The following SMAD2 variants were observed in gnomAD, a reference collection of about 807,000 sequenced individuals.
SMAD2 encodes SMAD family member 2.
In SMAD2, 8 loss-of-function variants were observed where a neutral mutation model predicts 64.4. That is an observed-to-expected ratio of 0.12 (90% CI 0.07 to 0.22). The LOEUF (loss-of-function observed/expected upper bound fraction) is 0.22, where lower values mean the gene tolerates loss of function less well. Ranked by LOEUF, SMAD2 falls within the 10% of genes least tolerant of loss-of-function variation. The probability of loss-of-function intolerance (pLI) is 1.00; values close to 1 mark genes in which losing one functional copy is unlikely to be tolerated. For missense variants in SMAD2, 289 were observed against 561.2 expected, an observed-to-expected ratio of 0.51 and a Z score of 4.90; for synonymous variants, 203 against 195.8, an observed-to-expected ratio of 1.04 and a Z score of -0.31.
At chr18:47,925,903 CAG>C (rs2034742827) in intron 1 of SMAD2, among the ~76,000 whole-genome samples, 1 of 152,204 alleles carries the variant, frequency 6.6e-6, no homozygotes, top group African/African-American at 2.4e-5. Flanking sequence ...AAACCCTCAA[CAG>C]AGAGACTGGC....
intron 2 of SMAD2, among the ~76,000 whole-genome samples, chr18:47,883,706 A>G: frequency 6.6e-6 from 1 of 152,162 alleles, no homozygotes; most frequent in East Asian, 1.9e-4. Context: ...ATCACTTTAC[A>G]ATCTTCTCTG....
Position 47,816,893 on chromosome 18 carries a change from G to A in SMAD2, c.*24934C>T, listed in dbSNP as rs1912391510. On this transcript the variant is annotated 3_prime_UTR_variant, in exon 11 of 11. Coordinates refer to ENST00000262160, the MANE Select transcript of SMAD2 (RefSeq NM_005901.6). ...ATCTTCTGCCTCAGCCTCCCAAGTAGCGGGATCATAGGCACCCACCAATAC... is the reference window on the plus strand; with the variant it reads ...ATCTTCTGCCTCAGCCTCCCAAGTAACGGGATCATAGGCACCCACCAATAC... 1 of 151,354 alleles carries A rather than the reference G, an allele frequency of 6.6e-6. No individual in the cohort carries two copies. Among genetic ancestry groups the A allele is most frequent in the Non-Finnish European group, 1.5e-5 (1 of 67,960 alleles). The allele number at this position is 151,354 out of a possible 1,614,324, so 9.4% of individuals were successfully genotyped here.
chr18:47,875,017 T>C (rs1351986061), intron 2 of SMAD2, among the ~76,000 whole-genome samples: 1 of 152,150 alleles, frequency 6.6e-6, no homozygotes. Flanking sequence ...TACTGCATCA[T>C]TTAAAGCGCA....
chr18:47,845,146 A>G (rs1914370758), intron 10 of SMAD2, 194 bp downstream of exon 10: 2 of 662,386 alleles, frequency 3.0e-6, no homozygotes, highest in Non-Finnish European at 2.7e-6. Flanking sequence ...TGCATGTTTT[A>G]ATATCTTCCA....
intron 2 of SMAD2, among the ~76,000 whole-genome samples, chr18:47,882,040 G>GTTTTTTTTTTTTTTTTT (rs1568078973): frequency 5.4e-5 from 2 of 37,324 alleles, no homozygotes; most frequent in African/African-American, 9.5e-5. Context: ...ACCACGCTTG[G>GTTTTTTTTTTTTTTTTT]CTTTTTTTTT....
At chr18:47,853,552 A>G (rs2030360255) in intron 6 of SMAD2, 1 of 180,738 alleles carries the variant, frequency 5.5e-6, no homozygotes, top group Non-Finnish European at 1.1e-5. Context: ...AGAGTAAGAT[A>G]GGTCAGACCA....
intron 2 of SMAD2, among the ~76,000 whole-genome samples, chr18:47,877,432 T>G (rs894963772): frequency 7.9e-5 from 12 of 152,128 alleles, no homozygotes; most frequent in African/African-American, 2.9e-4. Flanking sequence ...AAGTTTAGAT[T>G]TAAACAGCTC....
intron 2 of SMAD2, among the ~76,000 whole-genome samples, chr18:47,874,171 TA>T (rs1385791942): frequency 1.3e-5 from 2 of 152,174 alleles, no homozygotes; most frequent in Non-Finnish European, 2.9e-5. Flanking sequence ...TCAGCAAAAA[TA>T]TTTTTGTAGC....
rs1159078936 is a variant in SMAD2 at position 47,840,640 on chromosome 18, G to GC, written c.*1186dup. The GC allele has an allele frequency of 3.0e-4, 70 of 231,666 alleles. No homozygotes were observed. The highest frequency in any genetic ancestry group is 1.3e-3 in the African/African-American group (60 of 45,358). 14.4% of individuals were successfully genotyped at this position (231,666 alleles called of 1,614,324 possible). A position where few individuals can be genotyped will look rare whatever the true frequency, so the allele number is the denominator to read the frequency against. On this transcript the variant is annotated 3_prime_UTR_variant, in exon 11 of 11. Coordinates refer to ENST00000262160, the MANE Select transcript of SMAD2 (RefSeq NM_005901.6). ...GCCCATATCTGCTGATCCTACCTCA[G>GC]CATCACTTTTCTAGGTATTTTGCAG...
In SMAD2 at chr18:47,834,632, A is replaced by G; in HGVS notation, c.*7195T>C. The G allele has an allele frequency of 1.0e-5, 1 of 98,284 alleles. No homozygotes were observed. 6.1% of individuals were successfully genotyped at this position (98,284 alleles called of 1,614,324 possible). A position where few individuals can be genotyped will look rare whatever the true frequency, so the allele number is the denominator to read the frequency against. On this transcript the variant is annotated 3_prime_UTR_variant, in exon 11 of 11. Transcript: ENST00000262160. ...CTCTAAGCTTGCTAAAAGGCTAGGA[A>G]GTCCAGAAATACCTTAAACGTGTTA...
chr18:47,888,024 C>T (rs2032999838), intron 2 of SMAD2, among the ~76,000 whole-genome samples: 1 of 152,132 alleles, frequency 6.6e-6, no homozygotes, highest in African/African-American at 2.4e-5. Flanking sequence ...CACTATAGCA[C>T]CTCAATTTTG....
chr18:47,850,568 T>C (rs1426870090), intron 7 of SMAD2, among the ~76,000 whole-genome samples: 1 of 53,206 alleles, frequency 1.9e-5, no homozygotes, highest in East Asian at 7.7e-4. Flanking sequence ...ATGTATAATA[T>C]ATATTATATA....
chr18:47,905,949 T>C (rs934346678), intron 1 of SMAD2, among the ~76,000 whole-genome samples: 1 of 151,630 alleles, frequency 6.6e-6, no homozygotes, highest in Non-Finnish European at 1.5e-5. Flanking sequence ...CCATCTCTAC[T>C]AAAAAACAAA....
chr18:47,901,883 C>T (rs1043089684), intron 1 of SMAD2, among the ~76,000 whole-genome samples: 11 of 152,108 alleles, frequency 7.2e-5, no homozygotes, highest in Non-Finnish European at 1.6e-4. Context: ...CAGAATTTGG[C>T]AAATGTCTAC....
chr18:47,858,324 A>C (rs2030893807), intron 6 of SMAD2, among the ~76,000 whole-genome samples: 1 of 152,192 alleles, frequency 6.6e-6, no homozygotes, highest in Non-Finnish European at 1.5e-5. Context: ...AGCAGACTCA[A>C]AGTCAGGGTC....
intron 1 of SMAD2, among the ~76,000 whole-genome samples, chr18:47,916,485 TG>T: frequency 6.6e-6 from 1 of 152,146 alleles, no homozygotes; most frequent in East Asian, 1.9e-4. Context: ...GGCACGATCT[TG>T]TCTCACTGCA....
At position 47,896,673 on chromosome 18, in the gene SMAD2, T is replaced by C. The variant is rs939508290; in HGVS notation, c.84A>G (p.Ala28=). 6.2e-7 allele frequency: 1 copy of C among 1,614,144 alleles called. No homozygotes were observed. Among genetic ancestry groups the C allele is most frequent in the Non-Finnish European group, 8.5e-7 (1 of 1,180,012 alleles). ...CCTGCCCATTCTGCTCTCCTCCGCC[T>C]GCTCCTCCAGACCCACCAGCTGACT... The part of the protein sequence containing the change: ...WKKSAGGSGG[A]GGGEQNGQEE... Residue 28 remains alanine (A), a synonymous_variant, in exon 2 of 11, where the codon GCA becomes GCG. Transcript: ENST00000262160.
rs1379921817 is a variant in SMAD2, at chr18:47,905,439, T to C, written c.-53-8630A>G. On this transcript the variant is annotated intron_variant, in intron 1 of 10. Transcript: ENST00000262160. ...CAGCAGAGTTAAGCAATTCATATGA[T>C]ATAAAATTCATATGGAAACAAAAAA... Among the ~76,000 whole-genome samples the C allele has an allele frequency of 3.3e-5, 5 of 151,650 alleles. No individual in the cohort carries two copies. The East Asian group carries it at 9.7e-4, about 29-fold the overall frequency.
At position 47,930,538 on chromosome 18, in the gene SMAD2, GGCCGGCGGC is replaced by G. The variant is rs2034966759; in HGVS notation, c.-240_-232del. On this transcript the variant is annotated 5_prime_UTR_variant, in exon 1 of 11. Transcript: ENST00000262160. Reference sequence around the variant, plus strand: ...CCGCCCCGCCCCCAGGCCCGGGCCCGGCCGGCGGCCCGGGCGCGCGGGAGGGTAGGGGAA... The same window carrying G: ...CCGCCCCGCCCCCAGGCCCGGGCCCGCCGGGCGCGCGGGAGGGTAGGGGAA... 2 of 150,374 alleles carry G rather than the reference GGCCGGCGGC, an allele frequency of 1.3e-5. No homozygotes were observed. The highest frequency in any genetic ancestry group is 3.0e-5 in the Non-Finnish European group (2 of 67,230). 9.3% of individuals were successfully genotyped at this position (150,374 alleles called of 1,614,324 possible).
Sources: gnomAD v4.1 joint callset for allele counts (sites outside exome capture counted in the v4.1 genomes callset) on GRCh38, gnomAD v4.1.1 for gene constraint, MANE v1.5 for transcripts, NCBI Gene and HGNC (gene_info 2026-07-23, HGNC 2026-07-21) for gene names.